The following VAT1L variants were observed in gnomAD, a reference collection of about 807,000 sequenced individuals.
VAT1L encodes vesicle amine transport 1 like, also known as putative NADPH-dependent quinone oxidoreductase VAT1L.
Under a neutral mutation model 44.1 loss-of-function variants are expected in VAT1L, and 34 were observed. The ratio of observed to expected loss-of-function variants is 0.77; its 90% CI spans 0.59 to 1.03. VAT1L has a LOEUF of 1.03. Among genes scored for constraint, VAT1L ranks in the 50% least tolerant of loss-of-function variants. The pLI is 0.00. For synonymous variants in VAT1L, 253 were observed against 202.2 expected, an observed-to-expected ratio of 1.25 and a Z score of -2.13; for missense variants, 615 against 538.8, an observed-to-expected ratio of 1.14 and a Z score of -1.40.
intron 7 of VAT1L, among the ~76,000 whole-genome samples, chr16:77,930,286 C>T (rs1221676098): frequency 6.6e-6 from 1 of 152,180 alleles, no homozygotes; most frequent in African/African-American, 2.4e-5. Flanking sequence ...TCAGTGAAAG[C>T]CACTAGGTCT....
chr16:77,828,178 T>A (rs970356305), intron 3 of VAT1L, among the ~76,000 whole-genome samples: 3 of 152,128 alleles, frequency 2.0e-5, no homozygotes, highest in African/African-American at 7.2e-5. Context: ...TCTTACAAAA[T>A]CTAAGGAGTC....
In VAT1L at chr16:77,932,977, C is replaced by T. The variant is rs79162453; in HGVS notation, c.1078-38873C>T. 4.3e-3 allele frequency among the ~76,000 whole-genome samples: 651 copies of T among 152,316 alleles called. 3 individuals carry two copies. Among genetic ancestry groups the T allele is most frequent in the African/African-American group, 0.015 (609 of 41,562 alleles). ...CACTTGGGGACAATTCTCCCCCACA[C>T]ATTTCATTGGCTAGAACTGATCGCA... On this transcript the variant is annotated intron_variant, in intron 7 of 8. Transcript: ENST00000302536.
chr16:77,808,701 T>C (rs1273177124), intron 1 of VAT1L, among the ~76,000 whole-genome samples: 3 of 152,128 alleles, frequency 2.0e-5, no homozygotes, highest in Non-Finnish European at 4.4e-5. Context: ...GTTCAAGCAA[T>C]TCTCCTGCCT....
chr16:77,967,237 G>A (rs1182657009), intron 7 of VAT1L, among the ~76,000 whole-genome samples: 1 of 152,166 alleles, frequency 6.6e-6, no homozygotes, highest in Admixed American at 6.5e-5. Context: ...GGGCACCAGA[G>A]GCAAGAACCT....
chr16:77,842,754 G>C (rs567064567), intron 3 of VAT1L, among the ~76,000 whole-genome samples: 2 of 152,250 alleles, frequency 1.3e-5, no homozygotes, highest in South Asian at 4.1e-4. Flanking sequence ...CACTAATTGA[G>C]TTTTATTCAC....
chr16:77,832,955 A>G (rs768135726), intron 3 of VAT1L, among the ~76,000 whole-genome samples: 7 of 152,230 alleles, frequency 4.6e-5, no homozygotes, highest in Non-Finnish European at 1.0e-4. Context: ...AAAACCATCT[A>G]CAGCATCACC....
In VAT1L at chr16:77,966,143, T is replaced by G. The variant is rs144182027; in HGVS notation, c.1078-5707T>G. ...ATATCTCAAAATTAATTTCACCAGT[T>G]TCTTTTTACATTTCTTGACGTGGTT... On this transcript the variant is annotated intron_variant, in intron 7 of 8. Transcript: ENST00000302536. 5.5e-4 allele frequency among the ~76,000 whole-genome samples: 84 copies of G among 152,378 alleles called. No homozygotes were observed. In the Middle Eastern group the frequency reaches 0.01, roughly 19 times the overall value.
At chr16:77,815,586 A>G (rs554206226) in intron 1 of VAT1L, among the ~76,000 whole-genome samples, 6 of 152,218 alleles carry the variant, frequency 3.9e-5, no homozygotes, top group Non-Finnish European at 7.3e-5. Flanking sequence ...TATGAGACTC[A>G]TAAGTGAGAC....
chr16:77,825,843 C>T (rs1259016223), intron 3 of VAT1L, among the ~76,000 whole-genome samples: 2 of 132,512 alleles, frequency 1.5e-5, no homozygotes, highest in South Asian at 2.7e-4. Flanking sequence ...GGTGAAACCC[C>T]GTCTCTACTA....
chr16:77,939,541 G>A (rs2017851517), intron 7 of VAT1L, among the ~76,000 whole-genome samples: 1 of 152,166 alleles, frequency 6.6e-6, no homozygotes, highest in Non-Finnish European at 1.5e-5. Context: ...AATAGCCCCA[G>A]AAGAACATAA....
chr16:77,804,276 C>T (rs943589831), intron 1 of VAT1L, among the ~76,000 whole-genome samples: 1 of 152,176 alleles, frequency 6.6e-6, no homozygotes, highest in Non-Finnish European at 1.5e-5. Flanking sequence ...ATAAATACCT[C>T]CTGCTGTGTC....
intron 7 of VAT1L, among the ~76,000 whole-genome samples, chr16:77,918,691 G>C (rs1388291929): frequency 6.6e-6 from 1 of 152,150 alleles, no homozygotes; most frequent in East Asian, 1.9e-4. Context: ...GAAACTGTAA[G>C]TTTAATATGG....
At position 77,977,788 on chromosome 16, in the gene VAT1L, AG is replaced by A. The variant is rs2018357532; in HGVS notation, c.*94del. 3 of 1,223,712 alleles carry A rather than the reference AG, an allele frequency of 2.5e-6. No homozygotes were observed. In the African/African-American group the frequency reaches 4.5e-5, roughly 19 times the overall value. The allele number at this position is 1,223,712 out of a possible 1,614,324, so 75.8% of individuals were successfully genotyped here. ...CTGTGCCCCAGTGAACAAATGCTGT[AG>A]TCCAGTGCGTGTCGTGTTTGTCTGC... On this transcript the variant is annotated 3_prime_UTR_variant, in exon 9 of 9. Coordinates refer to ENST00000302536, the MANE Select transcript of VAT1L (RefSeq NM_020927.3).
intron 7 of VAT1L, among the ~76,000 whole-genome samples, chr16:77,897,691 T>C (rs79327414): frequency 1.3e-5 from 2 of 152,098 alleles, no homozygotes; most frequent in South Asian, 4.1e-4. Context: ...GCCAGGCTGG[T>C]CTCGAACTCC....
intron 7 of VAT1L, among the ~76,000 whole-genome samples, chr16:77,899,082 G>A (rs148183794): frequency 6.6e-4 from 101 of 152,314 alleles, no homozygotes; most frequent in African/African-American, 2.3e-3. Context: ...CAGGCACTGT[G>A]CTGAGCACTT....
chr16:77,856,090 G>A (rs12447349), intron 3 of VAT1L, among the ~76,000 whole-genome samples: 51,209 of 152,030 alleles, frequency 0.34, 8,982 homozygotes, highest in Admixed American at 0.4. Context: ...CAGAGAGGCT[G>A]AGATTCAAAG....
intron 1 of VAT1L, among the ~76,000 whole-genome samples, chr16:77,808,649 G>A (rs769558925): frequency 2.0e-5 from 3 of 152,020 alleles, no homozygotes; most frequent in Non-Finnish European, 4.4e-5. Flanking sequence ...AGGCTGGAGT[G>A]CAATGGCGCA....
intron 7 of VAT1L, among the ~76,000 whole-genome samples, chr16:77,959,452 A>T (rs2018138711): frequency 6.6e-6 from 1 of 152,354 alleles, no homozygotes; most frequent in Middle Eastern, 3.4e-3. Flanking sequence ...TAATATGAGG[A>T]ATATCTCACA....
At chr16:77,805,865 C>CTTTCTTTTTTTTTTT (rs2016147307) in intron 1 of VAT1L, among the ~76,000 whole-genome samples, 1 of 78,838 alleles carries the variant, frequency 1.3e-5, no homozygotes, top group Admixed American at 1.4e-4. Context: ...TAGTCTCTGC[C>CTTTCTTTTTTTTTTT]TTTTTTTTTT....
Sources: gnomAD v4.1 joint callset for allele counts (sites outside exome capture counted in the v4.1 genomes callset) on GRCh38, gnomAD v4.1.1 for gene constraint, MANE v1.5 for transcripts, NCBI Gene and HGNC (gene_info 2026-07-23, HGNC 2026-07-21) for gene names.